Variants in GPC5 observed in about 807,000 individuals in gnomAD.
GPC5 encodes glypican-5.
In GPC5, 47 loss-of-function variants were observed where a neutral mutation model predicts 53.9. The observed-to-expected ratio is 0.87, with a 90% CI of 0.69 to 1.11. The LOEUF (loss-of-function observed/expected upper bound fraction) is 1.11. Ranked by LOEUF, GPC5 falls within the 50% of genes most tolerant of loss-of-function variation. The pLI, the probability that GPC5 is intolerant of heterozygous loss-of-function variation, is 0.00. For synonymous variants in GPC5, 286 were observed against 263.3 expected, an observed-to-expected ratio of 1.09 and a Z score of -0.84; for missense variants, 748 against 713.1, an observed-to-expected ratio of 1.05 and a Z score of -0.56.
Position 92,564,250 on chromosome 13 carries a change from C to G in GPC5, c.1562-302032C>G, listed in dbSNP as rs16947799. On this transcript the variant is annotated intron_variant, in intron 7 of 7. Coordinates refer to ENST00000377067, the MANE Select transcript of GPC5 (RefSeq NM_004466.6). ...CTGCAGGTAAATGGGACCCAAAGCA[C>G]CCTATTCTTCCCTGTGTCAATAGGT... Among the ~76,000 whole-genome samples the G allele has an allele frequency of 8.0e-3, 1,214 of 151,994 alleles. 15 individuals carry two copies. The highest frequency in any genetic ancestry group is 0.027 in the African/African-American group (1,140 of 41,500).
intron 5 of GPC5, among the ~76,000 whole-genome samples, chr13:91,785,068 T>C (rs547539791): frequency 2.6e-5 from 4 of 152,326 alleles, no homozygotes; most frequent in African/African-American, 9.6e-5. Context: ...TTCCACATTC[T>C]CTTGGTTGTG....
chr13:91,612,359 G>A (rs2033578892), intron 2 of GPC5, among the ~76,000 whole-genome samples: 1 of 152,208 alleles, frequency 6.6e-6, no homozygotes, highest in African/African-American at 2.4e-5. Flanking sequence ...TTGAAATGCA[G>A]TAAGACGCAT....
intron 7 of GPC5, among the ~76,000 whole-genome samples, chr13:92,850,617 C>CT (rs1878762831): frequency 6.6e-6 from 1 of 151,960 alleles, no homozygotes; most frequent in Admixed American, 6.6e-5. Flanking sequence ...AAAAAAAAAT[C>CT]ATACAGGGAT....
chr13:92,438,383 A>AAT lies in GPC5; in HGVS notation c.1561+293419_1561+293420dup, dbSNP rs66984887. On this transcript the variant is annotated intron_variant, in intron 7 of 7. Coordinates refer to ENST00000377067, the MANE Select transcript of GPC5 (RefSeq NM_004466.6). ...GTAGAAGAACGTTTAAAGCAAAATA[A>AAT]ATATATATATATATATATATATATA... Among the ~76,000 whole-genome samples, 461 of 123,708 alleles carry AAT rather than the reference A, an allele frequency of 3.7e-3. 1 individual carries two copies. The highest frequency in any genetic ancestry group is 0.017 in the East Asian group (51 of 2,932). 81.2% of individuals were successfully genotyped at this position (123,708 alleles called of 152,430 possible).
At chr13:92,800,766 T>C (rs1876871958) in intron 7 of GPC5, among the ~76,000 whole-genome samples, 1 of 151,862 alleles carries the variant, frequency 6.6e-6, no homozygotes, top group Non-Finnish European at 1.5e-5. Context: ...AAGAGGAGAA[T>C]AAGGGATTAA....
intron 2 of GPC5, among the ~76,000 whole-genome samples, chr13:91,557,713 C>T (rs1425200610): frequency 6.6e-6 from 1 of 152,156 alleles, no homozygotes; most frequent in Non-Finnish European, 1.5e-5. Context: ...TCCAAAACTG[C>T]TTGAACAAGT....
At chr13:92,284,118 C>T (rs1462037240) in intron 7 of GPC5, among the ~76,000 whole-genome samples, 2 of 152,154 alleles carry the variant, frequency 1.3e-5, no homozygotes, top group Non-Finnish European at 2.9e-5. Context: ...CACCTCTATG[C>T]AAATAAACTA....
chr13:92,423,958 T>C (rs2139365758), intron 7 of GPC5, among the ~76,000 whole-genome samples: 1 of 152,298 alleles, frequency 6.6e-6, no homozygotes, highest in African/African-American at 2.4e-5. Flanking sequence ...CCATGTGTAG[T>C]ATGTTGTAAA....
At chr13:92,253,091 A>G (rs1230085734) in intron 7 of GPC5, among the ~76,000 whole-genome samples, 1 of 152,136 alleles carries the variant, frequency 6.6e-6, no homozygotes, top group Non-Finnish European at 1.5e-5. Flanking sequence ...GCCTGCTAAG[A>G]TGGGGAGTAT....
chr13:92,711,479 AAG>A (rs2139270109), intron 7 of GPC5, among the ~76,000 whole-genome samples: 1 of 152,226 alleles, frequency 6.6e-6, no homozygotes, highest in South Asian at 2.1e-4. Context: ...TTGATTGTTG[AAG>A]AGACAAACCT....
intron 2 of GPC5, among the ~76,000 whole-genome samples, chr13:91,676,805 C>T (rs1309344412): frequency 6.6e-6 from 1 of 152,126 alleles, no homozygotes; most frequent in Non-Finnish European, 1.5e-5. Context: ...CCAGAGAATG[C>T]TTTTGATAAG....
intron 2 of GPC5, among the ~76,000 whole-genome samples, chr13:91,672,553 C>T (rs1213053958): frequency 6.6e-6 from 1 of 152,034 alleles, no homozygotes; most frequent in Non-Finnish European, 1.5e-5. Flanking sequence ...TCTCTGTAGT[C>T]AGAATGATGA....
At chr13:92,445,997 A>T (rs1877806520) in intron 7 of GPC5, among the ~76,000 whole-genome samples, 1 of 151,720 alleles carries the variant, frequency 6.6e-6, no homozygotes, top group Non-Finnish European at 1.5e-5. Context: ...TGTTTATTGG[A>T]TATATGAGGT....
At chr13:92,119,657 T>G (rs1374044991) in intron 6 of GPC5, among the ~76,000 whole-genome samples, 1 of 147,464 alleles carries the variant, frequency 6.8e-6, no homozygotes, top group Admixed American at 6.9e-5. Context: ...CCTGACCTCG[T>G]GATCCGCCCG....
At chr13:91,909,544 T>C (rs2039589526) in intron 6 of GPC5, among the ~76,000 whole-genome samples, 1 of 152,168 alleles carries the variant, frequency 6.6e-6, no homozygotes, top group Non-Finnish European at 1.5e-5. Flanking sequence ...GTATATAAAA[T>C]ATGTAATATA....
intron 6 of GPC5, among the ~76,000 whole-genome samples, chr13:91,966,530 T>A (rs1302111480): frequency 6.6e-6 from 1 of 152,200 alleles, no homozygotes; most frequent in Non-Finnish European, 1.5e-5. Flanking sequence ...ATGTATTCAG[T>A]CTGTATCATG....
chr13:92,101,403 T>C (rs1021327046), intron 6 of GPC5, among the ~76,000 whole-genome samples: 1 of 152,206 alleles, frequency 6.6e-6, no homozygotes, highest in South Asian at 2.1e-4. Flanking sequence ...ACACATAGCC[T>C]GTTGAGCTTG....
At chr13:92,823,171 G>T (rs1306493333) in intron 7 of GPC5, among the ~76,000 whole-genome samples, 1 of 152,054 alleles carries the variant, frequency 6.6e-6, no homozygotes, top group Non-Finnish European at 1.5e-5. Flanking sequence ...GAAAAGTAAA[G>T]AATTAAAATA....
At chr13:91,514,583 C>T (rs1885395881) in intron 2 of GPC5, among the ~76,000 whole-genome samples, 1 of 151,932 alleles carries the variant, frequency 6.6e-6, no homozygotes, top group South Asian at 2.1e-4. Context: ...TTTCTAAAAA[C>T]ATCAACAATT....
Sources: gnomAD v4.1 joint callset for allele counts (sites outside exome capture counted in the v4.1 genomes callset) on GRCh38, gnomAD v4.1.1 for gene constraint, MANE v1.5 for transcripts, NCBI Gene and HGNC (gene_info 2026-07-23, HGNC 2026-07-21) for gene names.